SGPL1: variants seen among roughly 807,000 people sequenced by gnomAD.
SGPL1 encodes the protein SP-lyase 1.
Under a neutral mutation model 68.9 loss-of-function variants are expected in SGPL1, and 37 were observed. That is an observed-to-expected ratio of 0.54 (90% CI 0.41 to 0.71). SGPL1 has a LOEUF of 0.71. Among genes scored for constraint, SGPL1 ranks in the 30% least tolerant of loss-of-function variants. SGPL1 has a pLI of 0.00. For missense variants in SGPL1, 551 were observed against 704.6 expected (o/e 0.78, Z 2.47); for synonymous variants, 236 against 248.5 (o/e 0.95, Z 0.47).
intron 2 of SGPL1, among the ~76,000 whole-genome samples, chr10:70,843,993 G>T (rs890523659): frequency 1.3e-5 from 2 of 152,172 alleles, no homozygotes; most frequent in Non-Finnish European, 2.9e-5. Context: ...AGGAGTAGTT[G>T]TAAAGGAGAA....
At chr10:70,860,073 TAAAG>T (rs1846025251) in intron 7 of SGPL1, among the ~76,000 whole-genome samples, 1 of 152,224 alleles carries the variant, frequency 6.6e-6, no homozygotes, top group Non-Finnish European at 1.5e-5. Context: ...CTATTAGGCA[TAAAG>T]AAAGGGGGAG....
chr10:70,875,664 A>G, intron 13 of SGPL1, 116 bp downstream of exon 13: 1 of 717,164 alleles, frequency 1.4e-6, no homozygotes, highest in Non-Finnish European at 2.3e-6. Flanking sequence ...GTTAGTAGCA[A>G]CTGTAGTATA....
chr10:70,857,417 A>G, intron 5 of SGPL1, 197 bp from the exon 6 acceptor site: 1 of 507,130 alleles, frequency 2.0e-6, no homozygotes, highest in Non-Finnish European at 3.5e-6. Flanking sequence ...TGCTGATAAT[A>G]ATGATTTTTC....
In SGPL1 at chr10:70,815,964, A is replaced by G. The variant is rs1310449028; in HGVS notation, c.-206A>G. ...CCCGGAGCCATTTCCGGGAGGGGCGAGGCCGGCGGCTGCCGGGCCTCCAAT... is the reference window on the plus strand; with the variant it reads ...CCCGGAGCCATTTCCGGGAGGGGCGGGGCCGGCGGCTGCCGGGCCTCCAAT... On this transcript the variant is annotated 5_prime_UTR_variant, in exon 1 of 15. Transcript: ENST00000373202. 1 of 150,264 alleles carries G rather than the reference A, an allele frequency of 6.7e-6. No homozygotes were observed. Among genetic ancestry groups the G allele is most frequent in the African/African-American group, 2.5e-5 (1 of 40,692 alleles). The allele number at this position is 150,264 out of a possible 1,614,324, so 9.3% of individuals were successfully genotyped here. A position where few individuals can be genotyped will look rare whatever the true frequency, so the allele number is the denominator to read the frequency against.
rs531296103 is a variant in SGPL1, at chr10:70,836,179, G to T, written c.28-8294G>T. Among the ~76,000 whole-genome samples, 4 of 152,278 alleles carry T rather than the reference G, an allele frequency of 2.6e-5. 1 individual carries two copies. The highest frequency in any genetic ancestry group is 9.6e-5 in the African/African-American group (4 of 41,556). On this transcript the variant is annotated intron_variant, in intron 2 of 14. Coordinates refer to ENST00000373202, the MANE Select transcript of SGPL1 (RefSeq NM_003901.4). ...CCTGTCAGCAGGAATGTTTTTCTTT[G>T]ATCTTCAGCCTGTTTTTCTTTAATG...
Position 70,817,100 on chromosome 10 carries a change from A to G in SGPL1, c.27+220A>G, listed in dbSNP as rs1168104101. 2.6e-5 allele frequency among the ~76,000 whole-genome samples: 4 copies of G among 151,962 alleles called. No individual in the cohort carries two copies. In the South Asian group the frequency reaches 6.3e-4, roughly 24 times the overall value. ...AGTGGCATGATCTCGGCTCACCGCC[A>G]CCTCTGCCTCCTGGGTTCAAGCGAT... is the stretch of plus-strand genomic sequence containing the variant. On this transcript the variant is annotated intron_variant, in intron 2 of 14. Coordinates refer to ENST00000373202, the MANE Select transcript of SGPL1 (RefSeq NM_003901.4).
intron 7 of SGPL1, among the ~76,000 whole-genome samples, chr10:70,867,833 T>C (rs1222649875): frequency 2.0e-5 from 3 of 152,248 alleles, no homozygotes; most frequent in African/African-American, 7.2e-5. Flanking sequence ...GGCAACAAAC[T>C]TCCATCAAGT....
chr10:70,877,467 T>A lies in SGPL1; in HGVS notation c.*132T>A, dbSNP rs1412014405. 2 of 764,784 alleles carry A rather than the reference T, an allele frequency of 2.6e-6. No individual in the cohort carries two copies. The highest frequency in any genetic ancestry group is 3.4e-5 in the African/African-American group (2 of 58,572). The allele number at this position is 764,784 out of a possible 1,614,324, so 47.4% of individuals were successfully genotyped here. On this transcript the variant is annotated 3_prime_UTR_variant, in exon 15 of 15. Coordinates refer to ENST00000373202, the MANE Select transcript of SGPL1 (RefSeq NM_003901.4). The stretch of plus-strand genomic sequence containing the variant: ...AACTCAAGATAGACCATGAGACAGC[T>A]TGAGCCTCAGGATTCTTGTTCTTCC...
intron 3 of SGPL1, among the ~76,000 whole-genome samples, chr10:70,845,725 T>C (rs567754421): frequency 1.2e-3 from 178 of 151,838 alleles, no homozygotes; most frequent in Non-Finnish European, 2.3e-3. Context: ...TAAACACAAG[T>C]AGTGGATTTG....
At chr10:70,826,175 ACTCT>A (rs949024820) in intron 2 of SGPL1, among the ~76,000 whole-genome samples, 17 of 152,200 alleles carry the variant, frequency 1.1e-4, no homozygotes, top group Admixed American at 7.2e-4. Context: ...ACAGAGTGAG[ACTCT>A]CTCAAAAAAA....
At chr10:70,847,822 C>G (rs1845815381) in intron 3 of SGPL1, among the ~76,000 whole-genome samples, 2 of 152,100 alleles carry the variant, frequency 1.3e-5, no homozygotes, top group Non-Finnish European at 2.9e-5. Flanking sequence ...GCTGAACAAT[C>G]AAGTTATTTT....
intron 3 of SGPL1, among the ~76,000 whole-genome samples, chr10:70,846,988 G>A (rs1845801585): frequency 1.3e-5 from 2 of 152,106 alleles, no homozygotes; most frequent in Non-Finnish European, 2.9e-5. Context: ...AGCCATCTTA[G>A]GTTCTGATAC....
At chr10:70,830,594 A>G (rs1564618585) in intron 2 of SGPL1, among the ~76,000 whole-genome samples, 1 of 152,194 alleles carries the variant, frequency 6.6e-6, no homozygotes, top group Non-Finnish European at 1.5e-5. Flanking sequence ...TACAGGAGAC[A>G]CAGGATCTTG....
At chr10:70,858,753 C>G (rs1433955448) in intron 6 of SGPL1, among the ~76,000 whole-genome samples, 1 of 152,198 alleles carries the variant, frequency 6.6e-6, no homozygotes, top group Non-Finnish European at 1.5e-5. Flanking sequence ...TGCCTTTTCT[C>G]TTTACTAAAT....
At chr10:70,848,873 T>C (rs1280587423) in intron 3 of SGPL1, among the ~76,000 whole-genome samples, 1 of 152,198 alleles carries the variant, frequency 6.6e-6, no homozygotes, top group Non-Finnish European at 1.5e-5. Context: ...AACTTATTGC[T>C]TCCGTCTAAC....
At chr10:70,861,034 CTT>C (rs75728471) in intron 7 of SGPL1, among the ~76,000 whole-genome samples, 76 of 136,624 alleles carry the variant, frequency 5.6e-4, no homozygotes, top group Non-Finnish European at 7.6e-4. Context: ...TCTTTCTTTC[CTT>C]TTTTTTTTTT....
chr10:70,869,669 C>G lies in SGPL1; in HGVS notation c.705-123C>G. 5 of 751,904 alleles carry G rather than the reference C, an allele frequency of 6.6e-6. No individual in the cohort carries two copies. In the East Asian group the frequency reaches 1.4e-4, roughly 21 times the overall value. 46.6% of individuals were successfully genotyped at this position (751,904 alleles called of 1,614,324 possible). A position where few individuals can be genotyped will look rare whatever the true frequency, so the allele number is the denominator to read the frequency against. On this transcript the variant is annotated intron_variant, in intron 8 of 14. Transcript: ENST00000373202. ...AAAGAAAAGTAGAGCAGTCTAAACA[C>G]TTAAATTTTTAATTTGGGGAAAAAT...
chr10:70,869,472 C>A, intron 8 of SGPL1: 1 of 195,944 alleles, frequency 5.1e-6, no homozygotes, highest in South Asian at 9.5e-5. Flanking sequence ...CCTTGTGTTG[C>A]TCTCATCCAA....
chr10:70,838,116 TAGTTAGCCCTGTTG>T (rs1375857829), intron 2 of SGPL1, among the ~76,000 whole-genome samples: 1 of 152,192 alleles, frequency 6.6e-6, no homozygotes, highest in East Asian at 1.9e-4. Flanking sequence ...TCATAACAGG[TAGTTAGCCCTGTTG>T]AGTAATGGAG....
Sources: allele counts gnomAD v4.1 joint callset (sites outside exome capture counted in the v4.1 genomes callset), GRCh38; gene constraint gnomAD v4.1.1; transcripts MANE v1.5; gene names NCBI Gene and HGNC (gene_info 2026-07-23, HGNC 2026-07-21).